Variants in RALGDS observed in about 807,000 individuals in gnomAD.
RALGDS encodes ral guanine nucleotide dissociation stimulator.
A neutral mutation model predicts 99.8 loss-of-function variants in RALGDS; 44 were observed. The ratio of observed to expected loss-of-function variants is 0.44; its 90% CI spans 0.35 to 0.57. The LOEUF (loss-of-function observed/expected upper bound fraction) is 0.57. Among genes scored for constraint, RALGDS ranks in the 20% least tolerant of loss-of-function variants. The pLI is 0.01. For synonymous variants in RALGDS, 529 were observed against 505.0 expected (o/e 1.05, Z -0.64); for missense variants, 1,022 against 1,203.1 (o/e 0.85, Z 2.23).
intron 1 of RALGDS, among the ~76,000 whole-genome samples, chr9:133,120,020 C>G (rs1831839647): frequency 6.6e-6 from 1 of 152,230 alleles, no homozygotes; most frequent in South Asian, 2.1e-4. Context: ...GTGAAGGCTG[C>G]AGCCCAGCCA....
chr9:133,128,658 T>C (rs1280676482), intron 1 of RALGDS, among the ~76,000 whole-genome samples: 1 of 152,180 alleles, frequency 6.6e-6, no homozygotes, highest in East Asian at 1.9e-4. Context: ...TCTTTTAAGA[T>C]CTGGAGTGCA....
rs113532379 is a variant in RALGDS, at chr9:133,102,012, C to T, written c.2137G>A (p.Gly713Ser). The T allele has an allele frequency of 1.7e-3, 2,706 of 1,552,764 alleles. 5 individuals are homozygous for T. Among genetic ancestry groups the T allele is most frequent in the Non-Finnish European group, 2.1e-3 (2,402 of 1,147,730 alleles). Reference protein sequence around the residue: ...IADALSVHSAGSSSSDVEEIN... With the variant: ...IADALSVHSASSSSSDVEEIN... ...TCCTCCACGTCGGAGCTAGAGGAGC[C>T]GGCCGAGTGCACGCTGAGCGCGTCA... Residue 713 changes from glycine to serine, a missense_variant, in exon 15 of 18, where the codon GGC (glycine) becomes AGC (serine). By Grantham distance (56) the Gly-to-Ser change is moderately conservative (BLOSUM62 0). Coordinates refer to ENST00000372050, the MANE Select transcript of RALGDS (RefSeq NM_006266.4).
chr9:133,121,332 T>G, upstream of RALGDS: 2 of 620,290 alleles, frequency 3.2e-6, no homozygotes, highest in African/African-American at 2.1e-5. Context: ...AACCGGAGAG[T>G]CCGAGGGACG....
chr9:133,119,351 T>G (rs1385372266), intron 1 of RALGDS, among the ~76,000 whole-genome samples: 1 of 152,096 alleles, frequency 6.6e-6, no homozygotes, highest in African/African-American at 2.4e-5. Context: ...TGTGTTCAGT[T>G]TCCGGCAGTG....
intron 1 of RALGDS, among the ~76,000 whole-genome samples, chr9:133,139,823 T>C (rs1433035055): frequency 6.6e-6 from 1 of 152,082 alleles, no homozygotes; most frequent in Admixed American, 6.6e-5. Context: ...GCCCATGCGG[T>C]GCCAGGGGCC....
At chr9:133,143,036 G>A (rs1021013701) in intron 1 of RALGDS, among the ~76,000 whole-genome samples, 3 of 152,242 alleles carry the variant, frequency 2.0e-5, no homozygotes, top group African/African-American at 7.2e-5. Context: ...ATCTTGCAGA[G>A]TGCTGAGCAG....
rs1414827468 is a variant in RALGDS at position 133,121,059 on chromosome 9, G to A, written c.96C>T (p.Ala32=). The change falls in exon 1 of 18, where the codon GCC becomes GCT. Residue 32 remains alanine (A), a synonymous_variant. Coordinates refer to ENST00000372050, the MANE Select transcript of RALGDS (RefSeq NM_006266.4). ...GSRRSRSVWD[A]VRLEVGVPDS... is the part of the protein sequence containing the mutation. ...CGGGGACGCCCACCTCCAGGCGCAC[G>A]GCGTCCCACACGCTGCGGCTCCGCC... 6.7e-7 allele frequency: 1 copy of A among 1,490,618 alleles called. No homozygotes were observed. Among genetic ancestry groups the A allele is most frequent in the Non-Finnish European group, 8.9e-7 (1 of 1,126,764 alleles). The allele number at this position is 1,490,618 out of a possible 1,614,324, so 92.3% of individuals were successfully genotyped here.
intron 1 of RALGDS, chr9:133,130,933 GTC>G: frequency 6.5e-7 from 1 of 1,528,274 alleles, no homozygotes. Context: ...GAGGCCAAGA[GTC>G]TCAGCTACTT....
rs586711 is a variant in RALGDS, at chr9:133,143,786, C to T, written c.18+5177G>A. ...ATAATAATAATAACAACAACAACAA[C>T]AATAATAATAATAATAATAATAATA... On this transcript the variant is annotated intron_variant, in intron 1 of 17. Coordinates refer to the RALGDS transcript ENST00000393160. Among the ~76,000 whole-genome samples, 717 of 125,498 alleles carry T rather than the reference C, an allele frequency of 5.7e-3. 5 individuals carry two copies. Among genetic ancestry groups the T allele is most frequent in the African/African-American group, 0.023 (686 of 29,508 alleles). The allele number at this position is 125,498 out of a possible 152,430, so 82.3% of individuals were successfully genotyped here. A position where few individuals can be genotyped will look rare whatever the true frequency, so the allele number is the denominator to read the frequency against.
At chr9:133,124,269 GAGAC>G (rs571517824), upstream of RALGDS, among the ~76,000 whole-genome samples, 5 of 151,348 alleles carry the variant, frequency 3.3e-5, no homozygotes, top group Non-Finnish European at 7.4e-5. Flanking sequence ...CAGACGCACA[GAGAC>G]AGACACAGGC....
rs765655265 is a variant in RALGDS at position 133,108,365 on chromosome 9, C to T, written c.820G>A (p.Glu274Lys). 1.3e-5 allele frequency: 20 copies of T among 1,538,244 alleles called. No individual in the cohort carries two copies. The highest frequency in any genetic ancestry group is 2.0e-5 in the Admixed American group (1 of 50,994). ...GCTCGAGCTGGTGTTAGAGCTAGCT[C>T]GAGCTCTGGAGTTGGTTTTAGAGCT... is the stretch of plus-strand genomic sequence containing the variant. Reference protein sequence around the residue: ...VPALKPTPELELALTPARAPS... With the variant: ...VPALKPTPELKLALTPARAPS... Residue 274 changes from glutamate (E) to lysine (K), a missense_variant, in exon 6 of 18, where the codon GAG (glutamate) becomes AAG (lysine). Coordinates refer to ENST00000372050, the MANE Select transcript of RALGDS (RefSeq NM_006266.4).
chr9:133,114,952 A>T (rs980250130), intron 1 of RALGDS, among the ~76,000 whole-genome samples: 1 of 152,198 alleles, frequency 6.6e-6, no homozygotes, highest in South Asian at 2.1e-4. Context: ...CACAGCCCAG[A>T]GCCCTGAAGA....
upstream of RALGDS, among the ~76,000 whole-genome samples, chr9:133,135,850 G>A (rs533430421): frequency 8.5e-4 from 130 of 152,344 alleles, no homozygotes; most frequent in African/African-American, 3.0e-3. Context: ...CCCCAAGGTG[G>A]CATCCTCTGC....
intron 2 of RALGDS, among the ~76,000 whole-genome samples, chr9:133,110,801 G>T (rs1194743256): frequency 6.6e-6 from 1 of 152,054 alleles, no homozygotes; most frequent in African/African-American, 2.4e-5. Context: ...ATTAGCCAGG[G>T]CCAGGCATAG....
intron 1 of RALGDS, among the ~76,000 whole-genome samples, chr9:133,140,821 G>T (rs1347360125): frequency 6.6e-6 from 1 of 152,146 alleles, no homozygotes; most frequent in Non-Finnish European, 1.5e-5. Flanking sequence ...CCTTCTTGGC[G>T]TGGCATCCGG....
At chr9:133,143,819 T>TAATAAA (rs1832577058) in intron 1 of RALGDS, among the ~76,000 whole-genome samples, 1 of 131,938 alleles carries the variant, frequency 7.6e-6, no homozygotes, top group African/African-American at 3.4e-5. Context: ...ATAATAATAA[T>TAATAAA]AAAATAAAGG....
chr9:133,129,810 C>CT (rs35514711), intron 1 of RALGDS, among the ~76,000 whole-genome samples: 223 of 129,658 alleles, frequency 1.7e-3, no homozygotes, highest in South Asian at 2.5e-3. Flanking sequence ...TTCCTTTCTT[C>CT]TTTTTTTTTT....
Position 133,121,216 on chromosome 9 carries a change from C to A in RALGDS, c.-62G>T. 1.0e-6 allele frequency: 1 copy of A among 986,726 alleles called. No individual in the cohort carries two copies. Among genetic ancestry groups the A allele is most frequent in the Non-Finnish European group, 1.2e-6 (1 of 832,646 alleles). 61.1% of individuals were successfully genotyped at this position (986,726 alleles called of 1,614,324 possible). A position where few individuals can be genotyped will look rare whatever the true frequency, so the allele number is the denominator to read the frequency against. On this transcript the variant is annotated 5_prime_UTR_variant, in exon 1 of 18. Transcript: ENST00000372050. ...GCGCGGCGGGGGCGGCGGCGCGGCCCGCGCGGCTGGGCTTTGCCACCGCTG... is the reference window on the plus strand; with the variant it reads ...GCGCGGCGGGGGCGGCGGCGCGGCCAGCGCGGCTGGGCTTTGCCACCGCTG...
upstream of RALGDS, among the ~76,000 whole-genome samples, chr9:133,123,539 C>T (rs987122218): frequency 1.2e-4 from 18 of 152,098 alleles, no homozygotes; most frequent in Non-Finnish European, 1.9e-4. Context: ...GGAGCCAGGG[C>T]GGGGGAGGGC....
Sources: allele counts gnomAD v4.1 joint callset (sites outside exome capture counted in the v4.1 genomes callset), GRCh38; gene constraint gnomAD v4.1.1; transcripts MANE v1.5; gene names NCBI Gene and HGNC (gene_info 2026-07-23, HGNC 2026-07-21).